CLCN3: variants seen among roughly 807,000 people sequenced by gnomAD.
The protein encoded by CLCN3 is Cl-/H+ antiporter 3.
In CLCN3, 16 loss-of-function variants were observed where a neutral mutation model predicts 83.4. That is an observed-to-expected ratio of 0.19 (90% CI 0.13 to 0.29). The LOEUF (loss-of-function observed/expected upper bound fraction) is 0.29. Among genes scored for constraint, CLCN3 ranks in the 10% least tolerant of loss-of-function variants. CLCN3 has a pLI of 1.00. For synonymous variants in CLCN3, 322 were observed against 346.2 expected, an observed-to-expected ratio of 0.93 and a Z score of 0.78; for missense variants, 544 against 1,006.0, an observed-to-expected ratio of 0.54 and a Z score of 6.21.
intron 1 of CLCN3, among the ~76,000 whole-genome samples, chr4:169,621,901 G>A (rs902213219): frequency 3.3e-5 from 5 of 152,182 alleles, no homozygotes; most frequent in Non-Finnish European, 7.3e-5. Flanking sequence ...GGGAGTTAAA[G>A]TGCTTGTGTA....
chr4:169,697,830 A>G (rs1480267540), intron 9 of CLCN3, 96 bp downstream of exon 9: 1 of 787,742 alleles, frequency 1.3e-6, no homozygotes, highest in African/African-American at 1.7e-5. Flanking sequence ...ATGACTGAAA[A>G]AAGTACTTAT....
intron 2 of CLCN3, among the ~76,000 whole-genome samples, chr4:169,661,879 G>A (rs948409037): frequency 1.3e-5 from 2 of 151,946 alleles, no homozygotes; most frequent in African/African-American, 4.8e-5. Context: ...TCTTTAAACA[G>A]GAAGCAAGGT....
chr4:169,689,011 A>AT (rs1395596298), intron 4 of CLCN3, 32 bp from the exon 5 acceptor site: 4 of 1,595,026 alleles, frequency 2.5e-6, no homozygotes, highest in Middle Eastern at 3.3e-4. Context: ...AATTGACTTA[A>AT]TTTTTTTACC....
chr4:169,694,568 G>A (rs2150253045), intron 7 of CLCN3, among the ~76,000 whole-genome samples: 1 of 152,372 alleles, frequency 6.6e-6, no homozygotes, highest in East Asian at 1.9e-4. Context: ...GCTGGGCGCG[G>A]TGGCTCACGC....
intron 2 of CLCN3, chr4:169,660,131 C>G: frequency 8.2e-6 from 9 of 1,094,444 alleles, no homozygotes; most frequent in Non-Finnish European, 1.0e-5. Context: ...AAGGCTGTGC[C>G]GCCTCTAAGC....
intron 2 of CLCN3, among the ~76,000 whole-genome samples, chr4:169,678,463 G>C (rs367682815): frequency 3.9e-5 from 6 of 152,086 alleles, no homozygotes; most frequent in South Asian, 4.2e-4. Flanking sequence ...GTGTTTCTCG[G>C]AGAGGGGGAT....
intron 2 of CLCN3, among the ~76,000 whole-genome samples, chr4:169,668,915 C>A (rs1287193475): frequency 6.6e-6 from 1 of 152,028 alleles, no homozygotes; most frequent in African/African-American, 2.4e-5. Context: ...TTTCTAGGAG[C>A]CACAGTTTGA....
At chr4:169,631,008 G>GT (rs149838023) in intron 1 of CLCN3, among the ~76,000 whole-genome samples, 1,778 of 152,242 alleles carry the variant, frequency 0.012, 33 homozygotes, top group African/African-American at 0.041. Flanking sequence ...TGGTATTTCT[G>GT]TTTTAAGTTC....
chr4:169,665,053 T>G (rs1731195101), intron 2 of CLCN3, among the ~76,000 whole-genome samples: 1 of 152,232 alleles, frequency 6.6e-6, no homozygotes. Context: ...CTCTAACAAA[T>G]TTTATAAATT....
chr4:169,718,985 T>C (rs1325668541), intron 12 of CLCN3, among the ~76,000 whole-genome samples: 1 of 152,186 alleles, frequency 6.6e-6, no homozygotes, highest in Non-Finnish European at 1.5e-5. Flanking sequence ...AAGGAAAACA[T>C]TGATAAGTGT....
intron 1 of CLCN3, among the ~76,000 whole-genome samples, chr4:169,623,328 A>C (rs890991748): frequency 6.6e-6 from 1 of 152,162 alleles, no homozygotes; most frequent in South Asian, 2.1e-4. Context: ...AGCCTCTAGC[A>C]TTTATACCCG....
At chr4:169,695,921 A>G (rs1732543568) in intron 8 of CLCN3, among the ~76,000 whole-genome samples, 1 of 152,258 alleles carries the variant, frequency 6.6e-6, no homozygotes, top group Admixed American at 6.5e-5. Context: ...GTAATTATTT[A>G]AAATCTAACT....
At chr4:169,646,925 G>T (rs796398840) in intron 2 of CLCN3, among the ~76,000 whole-genome samples, 4 of 152,150 alleles carry the variant, frequency 2.6e-5, no homozygotes, top group Non-Finnish European at 2.9e-5. Context: ...AAAAGAATAC[G>T]GTAGAAGAAA....
At chr4:169,687,796 A>AG in intron 4 of CLCN3, 39 bp downstream of exon 4, 1 of 1,191,880 alleles carries the variant, frequency 8.4e-7, no homozygotes, top group Non-Finnish European at 1.2e-6. Context: ...TTTAGTTAAC[A>AG]GAAGTATAAA....
At chr4:169,668,042 C>CGTTTTTTTT (rs780656327) in intron 2 of CLCN3, among the ~76,000 whole-genome samples, 1 of 93,634 alleles carries the variant, frequency 1.1e-5, no homozygotes. Flanking sequence ...CCCGGCCAGA[C>CGTTTTTTTT]ATTTTTTTTT....
chr4:169,692,703 C>CT (rs1680920165), intron 7 of CLCN3, among the ~76,000 whole-genome samples: 1 of 152,106 alleles, frequency 6.6e-6, no homozygotes, highest in Admixed American at 6.5e-5. Context: ...TGTTTTCCTC[C>CT]TGGAGGCAGT....
chr4:169,684,396 T>C (rs1481321233), intron 3 of CLCN3, among the ~76,000 whole-genome samples: 2 of 152,214 alleles, frequency 1.3e-5, no homozygotes, highest in African/African-American at 2.4e-5. Flanking sequence ...TGGTTGTTTT[T>C]TTCTGTGTCT....
In CLCN3 at chr4:169,620,880, A is replaced by G; in HGVS notation, c.-200A>G. ...GAGGACAATAAAAGTCCCACCGGGC[A>G]AAATTTTCGTAACCTCTGCGGTAGA... On this transcript the variant is annotated 5_prime_UTR_variant, in exon 1 of 13. Transcript: ENST00000513761. 2.5e-6 allele frequency: 1 copy of G among 398,560 alleles called. No individual in the cohort carries two copies. Among genetic ancestry groups the G allele is most frequent in the Non-Finnish European group, 4.4e-6 (1 of 226,058 alleles). The allele number at this position is 398,560 out of a possible 1,614,324, so 24.7% of individuals were successfully genotyped here. A position where few individuals can be genotyped will look rare whatever the true frequency, so the allele number is the denominator to read the frequency against.
intron 7 of CLCN3, 65 bp downstream of exon 7, chr4:169,692,385 G>T (rs1247811457): frequency 2.9e-6 from 2 of 687,184 alleles, no homozygotes; most frequent in East Asian, 7.1e-5. Context: ...TTTAAGTAAA[G>T]AATTTCTTAG....
Sources: allele counts gnomAD v4.1 joint callset (sites outside exome capture counted in the v4.1 genomes callset), GRCh38; gene constraint gnomAD v4.1.1; transcripts MANE v1.5; gene names NCBI Gene and HGNC (gene_info 2026-07-23, HGNC 2026-07-21).